The following NSMCE1 variants were observed in gnomAD, a reference collection of about 807,000 sequenced individuals.
NSMCE1 encodes the protein non-structural maintenance of chromosomes element 1 homolog.
In NSMCE1, 18 loss-of-function variants were observed where a neutral mutation model predicts 29.6. That is an observed-to-expected ratio of 0.61 (90% confidence interval 0.42 to 0.90). The LOEUF (loss-of-function observed/expected upper bound fraction) is 0.90, where lower values mean the gene tolerates loss of function less well. Among genes scored for constraint, NSMCE1 ranks in the 40% least tolerant of loss-of-function variants. The pLI is 0.00. For missense variants in NSMCE1, 314 were observed against 343.6 expected (o/e 0.91, Z 0.68); for synonymous variants, 124 against 133.4 (o/e 0.93, Z 0.49).
At chr16:27,247,664 C>T (rs367630563) in intron 2 of NSMCE1, among the ~76,000 whole-genome samples, 1 of 152,302 alleles carries the variant, frequency 6.6e-6, no homozygotes, top group South Asian at 2.1e-4. Flanking sequence ...CAGTGGCTCA[C>T]ACCTGTAATC....
At chr16:27,238,833 T>C (rs2083857419) in intron 2 of NSMCE1, among the ~76,000 whole-genome samples, 1 of 151,634 alleles carries the variant, frequency 6.6e-6, no homozygotes, top group Admixed American at 6.6e-5. Flanking sequence ...TGGCCACCAA[T>C]GAGTCCTATG....
chr16:27,227,843 T>C (rs1280761408), intron 5 of NSMCE1, among the ~76,000 whole-genome samples: 2 of 149,568 alleles, frequency 1.3e-5, no homozygotes, highest in Non-Finnish European at 3.0e-5. Context: ...TGGAATGCAA[T>C]GGCACAATCT....
chr16:27,265,060 A>C (rs2084206803), intron 1 of NSMCE1, among the ~76,000 whole-genome samples: 1 of 152,000 alleles, frequency 6.6e-6, no homozygotes, highest in African/African-American at 2.4e-5. Context: ...TGAAAACCAC[A>C]GTGAAGGAAT....
rs1380832667 is a variant in NSMCE1 at position 27,232,326 on chromosome 16, C to G, written c.483+675G>C. Among the ~76,000 whole-genome samples, 1 of 152,226 alleles carries G rather than the reference C, an allele frequency of 6.6e-6. No homozygotes were observed. Among genetic ancestry groups the G allele is most frequent in the Non-Finnish European group, 1.5e-5 (1 of 68,040 alleles). On this transcript the variant is annotated intron_variant, in intron 5 of 7. Transcript: ENST00000361439. The surrounding 1 kb of genome is among the most constrained non-coding windows in gnomAD (Gnocchi z 4.5). ...TGGAAAAAGAACTGAAACATTTGTT[C>G]TGCTCCATTCAGCAGGACTAGACGT...
At chr16:27,254,551 T>C (rs904385910) in intron 2 of NSMCE1, among the ~76,000 whole-genome samples, 4 of 152,208 alleles carry the variant, frequency 2.6e-5, no homozygotes, top group Non-Finnish European at 4.4e-5. Context: ...AAGGACTAAA[T>C]TGTCGTGTAA....
intron 1 of NSMCE1, among the ~76,000 whole-genome samples, chr16:27,261,166 C>CAAAAAAAAAAAAA (rs11420728): frequency 1.0e-5 from 1 of 98,104 alleles, no homozygotes; most frequent in African/African-American, 3.8e-5. Context: ...GACTCCGTCT[C>CAAAAAAAAAAAAA]AAAAAAAAAA....
intron 1 of NSMCE1, among the ~76,000 whole-genome samples, chr16:27,267,646 A>T (rs2084241381): frequency 6.6e-6 from 1 of 152,086 alleles, no homozygotes; most frequent in Non-Finnish European, 1.5e-5. Flanking sequence ...AAAAGTCTGA[A>T]TACCAAAACT....
In NSMCE1 at chr16:27,225,047, G is replaced by C. The variant is rs989131602; in HGVS notation, c.*110C>G. 4.4e-6 allele frequency: 3 copies of C among 675,636 alleles called. No individual in the cohort carries two copies. The African/African-American group carries it at 5.4e-5, about 12-fold the overall frequency. The allele number at this position is 675,636 out of a possible 1,614,324, so 41.9% of individuals were successfully genotyped here. ...CAAAGCTGTGGACGGTGAACATTAA[G>C]ACGAAAGAGGTGACTCGCGTGGAAC... On this transcript the variant is annotated 3_prime_UTR_variant, in exon 8 of 8. Transcript: ENST00000361439.
chr16:27,266,144 G>A (rs1011253286), intron 1 of NSMCE1, among the ~76,000 whole-genome samples: 7 of 152,160 alleles, frequency 4.6e-5, no homozygotes, highest in South Asian at 4.1e-4. Flanking sequence ...AGGTCAAGGC[G>A]GGAGGACTGC....
Position 27,232,881 on chromosome 16 carries a change from A to G in NSMCE1, c.483+120T>C. 2 of 1,020,428 alleles carry G rather than the reference A, an allele frequency of 2.0e-6. No individual in the cohort carries two copies. The highest frequency in any genetic ancestry group is 2.9e-6 in the Non-Finnish European group (2 of 686,712). 63.2% of individuals were successfully genotyped at this position (1,020,428 alleles called of 1,614,324 possible). On this transcript the variant is annotated intron_variant, in intron 5 of 7. Transcript: ENST00000361439. The surrounding 1 kb of genome is among the most constrained non-coding windows in gnomAD (Gnocchi z 4.5). The stretch of plus-strand genomic sequence containing the variant: ...TCACTGCTGGAATGCATGAAAGCAG[A>G]TAAGGGATCCGAGAAGGCCGGGCTC...
intron 1 of NSMCE1, among the ~76,000 whole-genome samples, chr16:27,265,322 C>G (rs374351164): frequency 6.6e-6 from 1 of 151,800 alleles, no homozygotes; most frequent in Non-Finnish European, 1.5e-5. Context: ...GCACACACCA[C>G]TATGCCCGGC....
intron 2 of NSMCE1, among the ~76,000 whole-genome samples, chr16:27,238,867 G>A (rs966433053): frequency 5.3e-5 from 8 of 150,154 alleles, no homozygotes; most frequent in African/African-American, 1.2e-4. Context: ...ATAGCATCCC[G>A]ACACATTTTT....
chr16:27,254,866 CTTTTTTTTTTT>C (rs61088115), intron 2 of NSMCE1, among the ~76,000 whole-genome samples: 4 of 46,896 alleles, frequency 8.5e-5, no homozygotes, highest in Admixed American at 6.9e-4. Context: ...TCCAACCATG[CTTTTTTTTTTT>C]TTTTTTTTTT....
chr16:27,251,280 G>A (rs1282091722), intron 2 of NSMCE1, among the ~76,000 whole-genome samples: 1 of 145,828 alleles, frequency 6.9e-6, no homozygotes, highest in Non-Finnish European at 1.5e-5. Flanking sequence ...TGCTACTTAG[G>A]ATCCCTTAGC....
chr16:27,252,311 C>T (rs886516694), intron 2 of NSMCE1, among the ~76,000 whole-genome samples: 1 of 152,184 alleles, frequency 6.6e-6, no homozygotes, highest in Non-Finnish European at 1.5e-5. Context: ...TGGAAGCACT[C>T]GTCAACGGCC....
intron 6 of NSMCE1, 192 bp from the exon 7 acceptor site, chr16:27,226,038 G>GGGTTTTAC (rs2083686950): frequency 1.6e-6 from 1 of 624,016 alleles, no homozygotes; most frequent in African/African-American, 1.8e-5. Flanking sequence ...TTGTTGCGGT[G>GGGTTTTAC]GGTTTTACTA....
chr16:27,248,432 G>GTTCCC (rs1596687356), intron 2 of NSMCE1, among the ~76,000 whole-genome samples: 1 of 93,566 alleles, frequency 1.1e-5, no homozygotes, highest in Non-Finnish European at 2.0e-5. Context: ...TTTTTTTTGA[G>GTTCCC]ACAGAGTGTT....
chr16:27,254,579 A>G (rs1031748826), intron 2 of NSMCE1, among the ~76,000 whole-genome samples: 1 of 152,162 alleles, frequency 6.6e-6, no homozygotes, highest in African/African-American at 2.4e-5. Flanking sequence ...ATTCAGGATT[A>G]ACACAAGCAT....
chr16:27,267,991 C>T (rs909096344), intron 1 of NSMCE1, among the ~76,000 whole-genome samples: 3 of 152,246 alleles, frequency 2.0e-5, no homozygotes, highest in South Asian at 2.1e-4. Context: ...GATCCGCCCC[C>T]CTCAGCTTCC....
Sources: gnomAD v4.1 joint callset for allele counts (sites outside exome capture counted in the v4.1 genomes callset) on GRCh38, gnomAD v4.1.1 for gene constraint, Gnocchi (gnomAD v3.1) non-coding constraint, MANE v1.5 for transcripts, NCBI Gene and HGNC (gene_info 2026-07-23, HGNC 2026-07-21) for gene names.